Variants in CA10 observed in about 807,000 individuals in gnomAD.
CA10 encodes the protein carbonic anhydrase-related protein 10.
In CA10, 14 loss-of-function variants were observed where a neutral mutation model predicts 44.2. The ratio of observed to expected loss-of-function variants is 0.32; its 90% CI spans 0.21 to 0.50. CA10 has a LOEUF of 0.50. Among genes scored for constraint, CA10 ranks in the 20% least tolerant of loss-of-function variants. The pLI, the probability that CA10 is intolerant of heterozygous loss-of-function variation, is 0.99. For missense variants in CA10, 350 were observed against 409.7 expected, an observed-to-expected ratio of 0.85 and a Z score of 1.26; for synonymous variants, 159 against 141.6, an observed-to-expected ratio of 1.12 and a Z score of -0.87.
intron 6 of CA10, among the ~76,000 whole-genome samples, chr17:51,638,593 G>A (rs1035614427): frequency 9.2e-5 from 14 of 152,158 alleles, no homozygotes; most frequent in Non-Finnish European, 1.6e-4. Flanking sequence ...AGTTAACATT[G>A]GATATCAGCA....
chr17:51,639,028 A>T (rs1912961382), intron 6 of CA10, among the ~76,000 whole-genome samples: 1 of 152,142 alleles, frequency 6.6e-6, no homozygotes, highest in Non-Finnish European at 1.5e-5. Flanking sequence ...ACCACACCAG[A>T]AGGTCTTCCC....
intron 3 of CA10, among the ~76,000 whole-genome samples, chr17:51,756,433 G>T: frequency 6.6e-6 from 1 of 151,616 alleles, no homozygotes; most frequent in Middle Eastern, 3.2e-3. Context: ...GTCAGAAGTT[G>T]GTAGGAAGAG....
chr17:51,841,014 G>C (rs1363374026), intron 3 of CA10, among the ~76,000 whole-genome samples: 3 of 152,196 alleles, frequency 2.0e-5, no homozygotes, highest in Non-Finnish European at 4.4e-5. Context: ...TAAGTGATGG[G>C]AGTAGGGAGA....
intron 2 of CA10, among the ~76,000 whole-genome samples, chr17:51,980,104 A>G (rs1984601016): frequency 1.3e-5 from 2 of 152,188 alleles, no homozygotes; most frequent in Admixed American, 6.6e-5. Context: ...AGGAATCCTC[A>G]TACTGCTTTC....
At chr17:51,777,195 G>A (rs1432069656) in intron 3 of CA10, among the ~76,000 whole-genome samples, 1 of 152,174 alleles carries the variant, frequency 6.6e-6, no homozygotes, top group African/African-American at 2.4e-5. Context: ...AGGAGGCCTT[G>A]GTTTGGAAAT....
rs145760715 is a variant in CA10 at position 52,150,498 on chromosome 17, T to G, written c.61+7228A>C. Among the ~76,000 whole-genome samples, 167 of 152,300 alleles carry G rather than the reference T, an allele frequency of 1.1e-3. 1 individual carries two copies. The highest frequency in any genetic ancestry group is 3.8e-3 in the African/African-American group (158 of 41,578). ...TGTATAATGTATCCTCAATAAATGT[T>G]GAATGATTAAGTGGACAATGAAAAC... is the stretch of plus-strand genomic sequence containing the variant. On this transcript the variant is annotated intron_variant, in intron 1 of 8. Transcript: ENST00000451037.
chr17:51,746,496 C>G lies in CA10; in HGVS notation c.465+1137G>C, dbSNP rs79354591. On this transcript the variant is annotated intron_variant, in intron 4 of 8. Coordinates refer to ENST00000451037, the MANE Select transcript of CA10 (RefSeq NM_020178.5). ...TCTCTTTACAGCCCAGTTCAAGGGG[C>G]ACCTTCTCTGTGAAGCTTCTCCTGA... Among the ~76,000 whole-genome samples, 71 of 152,354 alleles carry G rather than the reference C, an allele frequency of 4.7e-4. 1 individual carries two copies. The East Asian group carries it at 9.3e-3, about 20-fold the overall frequency.
At chr17:51,708,253 C>T (rs1015862073) in intron 4 of CA10, among the ~76,000 whole-genome samples, 1 of 152,168 alleles carries the variant, frequency 6.6e-6, no homozygotes, top group African/African-American at 2.4e-5. Context: ...GTGGGTAGGG[C>T]ACAGGTGCTG....
intron 2 of CA10, among the ~76,000 whole-genome samples, chr17:52,023,541 A>G (rs983415871): frequency 6.6e-6 from 1 of 152,202 alleles, no homozygotes; most frequent in Non-Finnish European, 1.5e-5. Context: ...AAATACCCTA[A>G]TGGACATGGC....
chr17:51,797,410 G>C (rs1435188987), intron 3 of CA10, among the ~76,000 whole-genome samples: 1 of 152,114 alleles, frequency 6.6e-6, no homozygotes, highest in Non-Finnish European at 1.5e-5. Flanking sequence ...GAGGTGACCT[G>C]ACCTGAGGAT....
chr17:52,148,453 G>T (rs1432259019), intron 1 of CA10, among the ~76,000 whole-genome samples: 1 of 152,178 alleles, frequency 6.6e-6, no homozygotes, highest in Non-Finnish European at 1.5e-5. Flanking sequence ...AAATAAGGAT[G>T]ATTTGTCAAA....
intron 4 of CA10, among the ~76,000 whole-genome samples, chr17:51,707,249 CA>C (rs1364718723): frequency 1.3e-5 from 2 of 152,124 alleles, no homozygotes; most frequent in African/African-American, 4.8e-5. Context: ...TAGTGTGGGC[CA>C]GGCTCCCCGA....
intron 1 of CA10, among the ~76,000 whole-genome samples, chr17:52,096,740 C>T (rs973767754): frequency 9.2e-5 from 14 of 152,178 alleles, no homozygotes; most frequent in Admixed American, 8.5e-4. Flanking sequence ...TTTCTCTCCC[C>T]TCCCTTGAGG....
rs1357538180 is a variant in CA10, at chr17:52,054,282, A to G, written c.136+18037T>C. ...GGACAGCTGTCTTTTACGGTCGTAC[A>G]TAAGGGATGAAATAAGCCCCAGTCT... On this transcript the variant is annotated intron_variant, in intron 2 of 8. Transcript: ENST00000451037. 2.6e-5 allele frequency among the ~76,000 whole-genome samples: 4 copies of G among 152,100 alleles called. No individual in the cohort carries two copies. In the East Asian group the frequency reaches 7.7e-4, roughly 29 times the overall value.
intron 3 of CA10, among the ~76,000 whole-genome samples, chr17:51,833,880 G>A (rs1214837649): frequency 2.0e-5 from 3 of 152,060 alleles, no homozygotes; most frequent in Non-Finnish European, 4.4e-5. Flanking sequence ...CTTTTTATTG[G>A]TGTATCACAT....
intron 3 of CA10, among the ~76,000 whole-genome samples, chr17:51,776,442 A>G (rs980777903): frequency 6.6e-6 from 1 of 152,166 alleles, no homozygotes; most frequent in African/African-American, 2.4e-5. Context: ...AACAGGTAAA[A>G]TCAGTTTTAA....
intron 2 of CA10, among the ~76,000 whole-genome samples, chr17:51,939,133 C>A (rs1309006335): frequency 6.6e-6 from 1 of 152,014 alleles, no homozygotes; most frequent in South Asian, 2.1e-4. Flanking sequence ...AATATATACA[C>A]ATGTATATAT....
rs1234325338 is a variant in CA10, at chr17:51,653,732, T to A, written c.470A>T (p.Gln157Leu). Residue 157 changes from glutamine (Q) to leucine (L), a missense_variant, in exon 5 of 9, where the codon CAG (glutamine) becomes CTG (leucine). Coordinates refer to ENST00000451037, the MANE Select transcript of CA10 (RefSeq NM_020178.5). Reference protein sequence around the residue: ...LNGQAFSGEVQLIHYNHELYT... With the variant: ...LNGQAFSGEVLLIHYNHELYT... ...TAGCTCATGGTTATAGTGGATGAGC[T>A]GCACCTGGCAGGAGGGAAAAACAAG... 1.3e-6 allele frequency: 2 copies of A among 1,599,128 alleles called. No individual in the cohort carries two copies. The highest frequency in any genetic ancestry group is 2.2e-5 in the South Asian group (2 of 90,784).
rs1426694131 is a variant in CA10, at chr17:51,630,963, ATGTC to A, written c.*617_*620del. The A allele has an allele frequency of 1.3e-5, 2 of 153,238 alleles. No individual in the cohort carries two copies. Among genetic ancestry groups the A allele is most frequent in the African/African-American group, 4.8e-5 (2 of 41,430 alleles). 9.5% of individuals were successfully genotyped at this position (153,238 alleles called of 1,614,324 possible). A position where few individuals can be genotyped will look rare whatever the true frequency, so the allele number is the denominator to read the frequency against. ...TATATATACAATGTGTAGCTCTTCA[ATGTC>A]TGTCCTTTTTTTCTTTGTAAATTGT... On this transcript the variant is annotated 3_prime_UTR_variant, in exon 9 of 9. Transcript: ENST00000451037.
Sources: allele counts gnomAD v4.1 joint callset (sites outside exome capture counted in the v4.1 genomes callset), GRCh38; gene constraint gnomAD v4.1.1; transcripts MANE v1.5; gene names NCBI Gene and HGNC (gene_info 2026-07-23, HGNC 2026-07-21).